The following ZFHX3 variants were observed in gnomAD, a reference collection of about 807,000 sequenced individuals.
ZFHX3 encodes the protein zinc finger homeobox protein 3.
Under a neutral mutation model 279.1 loss-of-function variants are expected in ZFHX3, and 42 were observed. The observed-to-expected ratio is 0.15, with a 90% CI of 0.12 to 0.19. The LOEUF is 0.19. ZFHX3 is among the 10% of genes least tolerant of loss of function. The pLI, the probability that ZFHX3 is intolerant of heterozygous loss-of-function variation, is 1.00. For missense variants in ZFHX3, 4,981 were observed against 4,754.0 expected, an observed-to-expected ratio of 1.05 and a Z score of -1.40; for synonymous variants, 2,293 against 1,957.8, an observed-to-expected ratio of 1.17 and a Z score of -4.52.
At chr16:73,377,852 T>C (rs1225957288) in intron 3 of ZFHX3, among the ~76,000 whole-genome samples, 1 of 150,870 alleles carries the variant, frequency 6.6e-6, no homozygotes, top group African/African-American at 2.4e-5. Flanking sequence ...GCTAACACGG[T>C]GAAACTCCAT....
rs3082335 is a variant in ZFHX3, at chr16:73,878,940, G to GATATATATATAT, written c.-1608+12699_-1608+12710dup. Reference sequence around the variant, plus strand: ...ATCCTTCACTGTTCAAAAAAGATAAGATATATATATATATATATATATATA... The same window carrying GATATATATATAT: ...ATCCTTCACTGTTCAAAAAAGATAAGATATATATATATATATATATATATATATATATATATA... On this transcript the variant is annotated intron_variant, in intron 1 of 17. Coordinates refer to the ZFHX3 transcript ENST00000641206. Among the ~76,000 whole-genome samples, 320 of 141,008 alleles carry GATATATATATAT rather than the reference G, an allele frequency of 2.3e-3. 1 individual carries two copies. Among genetic ancestry groups the GATATATATATAT allele is most frequent in the African/African-American group, 7.7e-3 (301 of 38,976 alleles). The allele number at this position is 141,008 out of a possible 152,430, so 92.5% of individuals were successfully genotyped here.
chr16:73,688,973 T>TA (rs776488395), intron 1 of ZFHX3, among the ~76,000 whole-genome samples: 2 of 152,306 alleles, frequency 1.3e-5, no homozygotes, highest in East Asian at 3.9e-4. Context: ...GTGAGTCCAT[T>TA]AAGCCTCTTT....
chr16:73,438,526 C>T (rs547748036), intron 3 of ZFHX3, among the ~76,000 whole-genome samples: 11 of 152,258 alleles, frequency 7.2e-5, no homozygotes, highest in African/African-American at 1.4e-4. Flanking sequence ...TGAACTGTAA[C>T]GCATTAATAC....
chr16:73,773,686 C>T (rs184147424), intron 1 of ZFHX3, among the ~76,000 whole-genome samples: 17 of 152,268 alleles, frequency 1.1e-4, no homozygotes, highest in Admixed American at 5.2e-4. Flanking sequence ...AAGTGAACCA[C>T]GTGACATTTC....
chr16:73,575,537 C>T (rs930250909), intron 2 of ZFHX3, among the ~76,000 whole-genome samples: 9 of 152,048 alleles, frequency 5.9e-5, no homozygotes, highest in African/African-American at 2.2e-4. Context: ...AACATGGGAC[C>T]GATAGAAGGG....
intron 1 of ZFHX3, among the ~76,000 whole-genome samples, chr16:73,724,424 C>T: frequency 6.6e-6 from 1 of 152,200 alleles, no homozygotes; most frequent in African/African-American, 2.4e-5. Flanking sequence ...TTTTACAAAG[C>T]TCACATCCTC....
Position 72,811,565 on chromosome 16 carries a change from TG to T in ZFHX3, c.3864+11del. On this transcript the variant is annotated intron_variant, in intron 7 of 9. Coordinates refer to ENST00000268489, the MANE Select transcript of ZFHX3 (RefSeq NM_006885.4). ...GAGAAAGACCACAGGGTGCTGCTCC[TG>T]GCTGCCTTACCGTCATAATGAGCTT... is the stretch of plus-strand genomic sequence containing the variant. 1 of 1,570,584 alleles carries T rather than the reference TG, an allele frequency of 6.4e-7. No individual in the cohort carries two copies. The highest frequency in any genetic ancestry group is 8.7e-7 in the Non-Finnish European group (1 of 1,154,212).
rs1426248705 is a variant in ZFHX3 at position 73,726,670 on chromosome 16, G to A, written c.-1607-46430C>T. ...TTTACTCATGGCAGAAGGCAAAGCA[G>A]GAGCTGGCCCATCACACGCAACAGC... On this transcript the variant is annotated intron_variant, in intron 1 of 17. Transcript: ENST00000641206. Among the ~76,000 whole-genome samples the A allele has an allele frequency of 4.6e-5, 7 of 152,280 alleles. No homozygotes were observed. The East Asian group carries it at 1.2e-3, about 25-fold the overall frequency.
At chr16:73,770,221 CAG>C (rs1397375940) in intron 1 of ZFHX3, among the ~76,000 whole-genome samples, 1 of 152,176 alleles carries the variant, frequency 6.6e-6, no homozygotes. Context: ...GAATCAGAGT[CAG>C]AGTGATGTAA....
intron 1 of ZFHX3, among the ~76,000 whole-genome samples, chr16:73,761,009 A>C (rs2386714): frequency 0.016 from 2,348 of 144,876 alleles, 74 homozygotes; most frequent in African/African-American, 0.057. Context: ...AAAAAAAAAA[A>C]AGGGTATTAA....
chr16:73,105,000 C>T (rs540412990), intron 7 of ZFHX3, among the ~76,000 whole-genome samples: 67 of 152,196 alleles, frequency 4.4e-4, no homozygotes, highest in Middle Eastern at 3.4e-3. Context: ...AAGCATCCTG[C>T]GGAGGGAAGA....
intron 4 of ZFHX3, among the ~76,000 whole-genome samples, chr16:73,303,963 G>GGAAAAAA (rs781722281): frequency 6.8e-4 from 52 of 76,122 alleles, no homozygotes; most frequent in Non-Finnish European, 8.0e-4. Flanking sequence ...ACCCTAGGTG[G>GGAAAAAA]AAAAAAAAAA....
chr16:72,971,644 A>G (rs1163254976), intron 1 of ZFHX3, among the ~76,000 whole-genome samples: 2 of 152,080 alleles, frequency 1.3e-5, no homozygotes, highest in Non-Finnish European at 2.9e-5. Flanking sequence ...GGCCCTCTGG[A>G]ACGTGCCAAA....
At chr16:73,000,264 C>T (rs747405118) in intron 1 of ZFHX3, among the ~76,000 whole-genome samples, 3 of 152,128 alleles carry the variant, frequency 2.0e-5, no homozygotes, top group Non-Finnish European at 2.9e-5. Flanking sequence ...GAAGGGCACG[C>T]GGTGAAAGGA....
intron 4 of ZFHX3, among the ~76,000 whole-genome samples, chr16:73,295,613 T>C (rs972685821): frequency 6.6e-6 from 1 of 152,234 alleles, no homozygotes; most frequent in African/African-American, 2.4e-5. Context: ...ACGTTTACGA[T>C]GTCAGCAAGT....
At chr16:73,824,077 G>A (rs1043224850) in intron 1 of ZFHX3, among the ~76,000 whole-genome samples, 4 of 152,108 alleles carry the variant, frequency 2.6e-5, no homozygotes, top group Admixed American at 6.5e-5. Context: ...AAACGAAAAC[G>A]ATGTGCTCAA....
At chr16:73,473,177 C>CA (rs1463809144) in intron 2 of ZFHX3, among the ~76,000 whole-genome samples, 1 of 150,970 alleles carries the variant, frequency 6.6e-6, no homozygotes, top group Non-Finnish European at 1.5e-5. Context: ...CCTATCTCTA[C>CA]AAAAAATACA....
At chr16:73,459,766 C>T (rs2018440520) in intron 2 of ZFHX3, among the ~76,000 whole-genome samples, 1 of 152,124 alleles carries the variant, frequency 6.6e-6, no homozygotes, top group African/African-American at 2.4e-5. Flanking sequence ...AGGCGCCTTC[C>T]TCACAAGGTG....
chr16:73,331,710 A>G (rs563440348), intron 3 of ZFHX3, among the ~76,000 whole-genome samples: 4 of 152,240 alleles, frequency 2.6e-5, no homozygotes, highest in African/African-American at 4.8e-5. Context: ...TTTGTACGCC[A>G]GTTCTGCTAC....
Sources: allele counts gnomAD v4.1 joint callset (sites outside exome capture counted in the v4.1 genomes callset), GRCh38; gene constraint gnomAD v4.1.1; transcripts MANE v1.5; gene names NCBI Gene and HGNC (gene_info 2026-07-23, HGNC 2026-07-21).